Variants in RELN observed in about 807,000 individuals in gnomAD.
The protein encoded by RELN is reelin.
In RELN, 108 loss-of-function variants were observed where a neutral mutation model predicts 427.6. That is an observed-to-expected ratio of 0.25 (90% CI 0.22 to 0.30). RELN has a LOEUF of 0.30. RELN is among the 10% of genes least tolerant of loss of function. RELN has a pLI of 1.00. For synonymous variants in RELN, 1,524 were observed against 1,513.4 expected (o/e 1.01, Z -0.16); for missense variants, 3,715 against 4,302.8 (o/e 0.86, Z 3.82).
intron 63 of RELN, chr7:103,478,611 A>G: frequency 2.0e-6 from 1 of 512,642 alleles, no homozygotes; most frequent in Non-Finnish European, 3.5e-6. Context: ...GTAACATGCA[A>G]TATTTGCTCA....
chr7:103,754,902 G>T (rs1791095248), intron 4 of RELN, among the ~76,000 whole-genome samples: 4 of 152,146 alleles, frequency 2.6e-5, no homozygotes, highest in African/African-American at 4.8e-5. Flanking sequence ...ATAAGAAAAA[G>T]AGTTTTAAGA....
At chr7:103,553,589 A>G (rs1830458631) in intron 39 of RELN, 26 bp from the exon 40 acceptor site, 1 of 1,613,146 alleles carries the variant, frequency 6.2e-7, no homozygotes, top group African/African-American at 1.3e-5. Context: ...ACAACCAGGA[A>G]TCCATTTAGG....
At position 103,790,247 on chromosome 7, in the gene RELN, C is replaced by A. The variant is rs559743667; in HGVS notation, c.474-13620G>T. Reference sequence around the variant, plus strand: ...ATACCTAATGTAGATGATGGGTTGACGAGTGCAGCAAACCACCATGGCACA... The same window carrying A: ...ATACCTAATGTAGATGATGGGTTGAAGAGTGCAGCAAACCACCATGGCACA... On this transcript the variant is annotated intron_variant, in intron 3 of 64. Coordinates refer to ENST00000428762, the MANE Select transcript of RELN (RefSeq NM_005045.4). Among the ~76,000 whole-genome samples, 13 of 152,028 alleles carry A rather than the reference C, an allele frequency of 8.6e-5. No homozygotes were observed. The East Asian group carries it at 2.3e-3, about 27-fold the overall frequency.
chr7:103,882,597 G>A (rs1794633110), intron 2 of RELN, among the ~76,000 whole-genome samples: 1 of 152,034 alleles, frequency 6.6e-6, no homozygotes, highest in East Asian at 1.9e-4. Context: ...AAAAAAAAAT[G>A]ATAAAGGAGA....
intron 11 of RELN, among the ~76,000 whole-genome samples, chr7:103,679,868 C>G (rs1007006558): frequency 1.3e-5 from 2 of 152,102 alleles, no homozygotes; most frequent in African/African-American, 2.4e-5. Flanking sequence ...TTGGTTTCTT[C>G]TAATATCAAG....
chr7:103,961,097 C>T (rs1237231855), intron 1 of RELN, among the ~76,000 whole-genome samples: 1 of 152,150 alleles, frequency 6.6e-6, no homozygotes, highest in African/African-American at 2.4e-5. Context: ...GTTGCTTGTG[C>T]AAGAAATAGA....
intron 20 of RELN, among the ~76,000 whole-genome samples, chr7:103,621,861 C>T (rs2117315054): frequency 6.6e-6 from 1 of 152,082 alleles, no homozygotes; most frequent in East Asian, 1.9e-4. Context: ...ACTAAAAATA[C>T]AAAAATAAGC....
At chr7:103,615,550 T>G (rs1308489338) in intron 20 of RELN, among the ~76,000 whole-genome samples, 2 of 152,186 alleles carry the variant, frequency 1.3e-5, no homozygotes, top group Non-Finnish European at 2.9e-5. Flanking sequence ...AACAGCTGGA[T>G]TATCTCACTT....
chr7:103,589,367 T>C (rs1831355831), intron 28 of RELN, among the ~76,000 whole-genome samples: 1 of 152,250 alleles, frequency 6.6e-6, no homozygotes, highest in Non-Finnish European at 1.5e-5. Context: ...TGAATGTTTA[T>C]GCTTGCAAAA....
chr7:103,710,354 G>T (rs1789763744), intron 8 of RELN, among the ~76,000 whole-genome samples: 1 of 152,096 alleles, frequency 6.6e-6, no homozygotes, highest in Non-Finnish European at 1.5e-5. Context: ...ATTTATTTTG[G>T]GTTAGTGTGA....
chr7:103,771,938 C>T (rs991816607), intron 4 of RELN, among the ~76,000 whole-genome samples: 1 of 152,150 alleles, frequency 6.6e-6, no homozygotes, highest in African/African-American at 2.4e-5. Flanking sequence ...CCACCCCCAA[C>T]CCCCATTAGA....
intron 10 of RELN, among the ~76,000 whole-genome samples, chr7:103,696,028 A>G (rs1833970239): frequency 6.6e-6 from 1 of 152,116 alleles, no homozygotes; most frequent in Admixed American, 6.6e-5. Flanking sequence ...TTCCATCAGG[A>G]GAGTTCCTGT....
At chr7:103,578,955 C>A (rs903557063) in intron 28 of RELN, among the ~76,000 whole-genome samples, 1 of 152,206 alleles carries the variant, frequency 6.6e-6, no homozygotes, top group Non-Finnish European at 1.5e-5. Context: ...AAGGTGTCTT[C>A]ATTATAGCTA....
Position 103,539,324 on chromosome 7 carries a change from G to T in RELN, c.6934C>A (p.Leu2312Ile). ...TTACCAGAAATATTTCCTCCAATAA[G>T]AATCTGAAATGTATTTTTAAAAAAT... ...FYSPWVIDQILIGGNISGNTV... is the reference protein window; with the variant it reads ...FYSPWVIDQIIIGGNISGNTV... The change falls in exon 45 of 65, where the codon CTT becomes ATT. Residue 2312 changes from leucine to isoleucine, a missense_variant. Coordinates refer to ENST00000428762, the MANE Select transcript of RELN (RefSeq NM_005045.4). The T allele has an allele frequency of 6.2e-7, 1 of 1,613,762 alleles. No individual in the cohort carries two copies. The highest frequency in any genetic ancestry group is 8.5e-7 in the Non-Finnish European group (1 of 1,179,700).
intron 20 of RELN, among the ~76,000 whole-genome samples, chr7:103,623,607 T>A (rs988968847): frequency 1.3e-5 from 2 of 152,212 alleles, no homozygotes; most frequent in Admixed American, 6.5e-5. Context: ...AAACACTGAC[T>A]AGTTTCCCAA....
intron 2 of RELN, among the ~76,000 whole-genome samples, chr7:103,850,647 G>A (rs776904849): frequency 7.9e-5 from 12 of 152,140 alleles, no homozygotes; most frequent in Non-Finnish European, 1.3e-4. Flanking sequence ...CTTCACAGAC[G>A]GGGGAAGAAC....
intron 1 of RELN, among the ~76,000 whole-genome samples, chr7:103,972,684 T>A (rs1185587041): frequency 6.6e-6 from 1 of 152,138 alleles, no homozygotes; most frequent in Non-Finnish European, 1.5e-5. Flanking sequence ...AATGCCATGA[T>A]GAGATGCGGC....
chr7:103,917,306 C>T (rs1795507349), intron 1 of RELN, 121 bp from the exon 2 acceptor site: 1 of 768,754 alleles, frequency 1.3e-6, no homozygotes, highest in South Asian at 1.6e-5. Context: ...TTATACTATA[C>T]CTAGTTGGTA....
chr7:103,635,926 T>G (rs1832570190), intron 18 of RELN, among the ~76,000 whole-genome samples: 1 of 152,166 alleles, frequency 6.6e-6, no homozygotes, highest in Non-Finnish European at 1.5e-5. Flanking sequence ...CTAATCAGCC[T>G]CCTCAAGCTG....
Sources: allele counts gnomAD v4.1 joint callset (sites outside exome capture counted in the v4.1 genomes callset), GRCh38; gene constraint gnomAD v4.1.1; transcripts MANE v1.5; gene names NCBI Gene and HGNC (gene_info 2026-07-23, HGNC 2026-07-21).